MTRF1L: variants seen among roughly 807,000 people sequenced by gnomAD.
The protein encoded by MTRF1L is mitochondrial translation release factor 1 like, also known as peptide chain release factor 1-like, mitochondrial.
MTRF1L carries 29 observed loss-of-function variants against 40.0 expected under a neutral mutation model. The ratio of observed to expected loss-of-function variants is 0.73; its 90% CI spans 0.54 to 0.99. The LOEUF (loss-of-function observed/expected upper bound fraction) is 0.99. Ranked by LOEUF, MTRF1L falls within the 50% of genes least tolerant of loss-of-function variation. MTRF1L has a pLI of 0.00. For missense variants in MTRF1L, 412 were observed against 464.5 expected (o/e 0.89, Z 1.04); for synonymous variants, 150 against 175.8 (o/e 0.85, Z 1.16).
At chr6:152,995,807 T>G (rs1267695185) in intron 2 of MTRF1L, among the ~76,000 whole-genome samples, 1 of 152,188 alleles carries the variant, frequency 6.6e-6, no homozygotes, top group African/African-American at 2.4e-5. Flanking sequence ...AAAAGGCCCT[T>G]AGAGATTATC....
In MTRF1L at chr6:152,990,044, T is replaced by G. The variant is rs1414964827; in HGVS notation, c.994A>C (p.Asn332His). 1 of 1,613,930 alleles carries G rather than the reference T, an allele frequency of 6.2e-7. No homozygotes were observed. The highest frequency in any genetic ancestry group is 8.5e-7 in the Non-Finnish European group (1 of 1,179,952). Residue 332 changes from asparagine to histidine, a missense_variant, in exon 7 of 7, where the codon AAC becomes CAC. By Grantham distance (68) the Asn-to-His change is moderately conservative. Transcript: ENST00000367233. ...EKIRTYNFPQ[N>H]RVTDHRINKT... is the part of the protein sequence containing the mutation. ...TTTATTCTGTGATCTGTGACCCGGTTCTGTGGAAAATTATATGTTCTTATT... is the reference window on the plus strand; with the variant it reads ...TTTATTCTGTGATCTGTGACCCGGTGCTGTGGAAAATTATATGTTCTTATT...
At chr6:152,991,100 T>TG (rs1778494928) in intron 6 of MTRF1L, 85 bp downstream of exon 6, 14 of 926,530 alleles carry the variant, frequency 1.5e-5, no homozygotes, top group African/African-American at 3.4e-5. Context: ...AAAACAAATA[T>TG]ATAAAAACCA....
intron 1 of MTRF1L, among the ~76,000 whole-genome samples, chr6:152,999,095 G>T (rs904215037): frequency 2.6e-5 from 4 of 152,106 alleles, no homozygotes; most frequent in African/African-American, 9.7e-5. Context: ...TGTTTCATTA[G>T]TATTTTAGTA....
chr6:152,993,125 T>C (rs1230814310), intron 4 of MTRF1L, 151 bp from the exon 5 acceptor site: 2 of 630,396 alleles, frequency 3.2e-6, no homozygotes, highest in Admixed American at 2.8e-5. Context: ...AAGGATACCA[T>C]TTTAAAACTT....
rs775321244 is a variant in MTRF1L, at chr6:152,990,088, C to T, written c.950G>A (p.Ser317Asn). 34 of 1,613,742 alleles carry T rather than the reference C, an allele frequency of 2.1e-5. No individual in the cohort carries two copies. Among genetic ancestry groups the T allele is most frequent in the Admixed American group, 6.7e-5 (4 of 59,962 alleles). ...TCTTATTTTCTCTGATCTTCCTTTA[C>T]TTCCAATCTGTATATAGAGAAAAAG... ...RQNARKIQIGSKGRSEKIRTY... is the reference protein window; with the variant it reads ...RQNARKIQIGNKGRSEKIRTY... The change falls in exon 7 of 7, where the codon AGT (serine) becomes AAT (asparagine). Residue 317 changes from serine (S) to asparagine (N), a missense_variant. Transcript: ENST00000367233.
At chr6:152,993,023 T>C (rs375493223) in intron 4 of MTRF1L, 49 bp from the exon 5 acceptor site, 28 of 1,440,712 alleles carry the variant, frequency 1.9e-5, no homozygotes, top group African/African-American at 2.8e-5. Context: ...GTATCAACTT[T>C]ATAAAGGCAA....
At chr6:152,996,855 A>C (rs1446048468) in intron 2 of MTRF1L, among the ~76,000 whole-genome samples, 2 of 152,212 alleles carry the variant, frequency 1.3e-5, no homozygotes, top group Non-Finnish European at 2.9e-5. Context: ...TGAGGAGCTC[A>C]CAGTCTACTA....
chr6:152,990,307 C>T (rs1049241688), intron 6 of MTRF1L: 12 of 712,372 alleles, frequency 1.7e-5, no homozygotes, highest in Non-Finnish European at 2.2e-5. Context: ...AATCCTGCCT[C>T]AGCCACTTCA....
chr6:152,996,240 G>A (rs1444155760), intron 2 of MTRF1L, among the ~76,000 whole-genome samples: 1 of 152,116 alleles, frequency 6.6e-6, no homozygotes, highest in Non-Finnish European at 1.5e-5. Flanking sequence ...GAATATACCT[G>A]AGTACACTGC....
chr6:152,990,600 A>T (rs1584091756), intron 6 of MTRF1L: 1 of 153,282 alleles, frequency 6.5e-6, no homozygotes, highest in African/African-American at 2.4e-5. Context: ...AGGTGGGTGG[A>T]GCACCTGAGG....
At chr6:152,990,385 A>G (rs1361766423) in intron 6 of MTRF1L, 1 of 346,282 alleles carries the variant, frequency 2.9e-6, no homozygotes, top group Non-Finnish European at 5.3e-6. Flanking sequence ...CACAGTGATG[A>G]TGACAATAGA....
Position 153,002,656 on chromosome 6 carries a change from G to C in MTRF1L, c.30C>G (p.Ala10=), listed in dbSNP as rs945106136. 48 of 1,504,710 alleles carry C rather than the reference G, an allele frequency of 3.2e-5. No homozygotes were observed. The highest frequency in any genetic ancestry group is 4.2e-5 in the Non-Finnish European group (48 of 1,131,066). 93.2% of individuals were successfully genotyped at this position (1,504,710 alleles called of 1,614,324 possible). MRSRVLWGA[A]RWLWPRRAVG... is the part of the protein sequence containing the mutation. ...CGGCCCGGCGGGGCCAGAGCCACCGGGCAGCGCCCCACAGAACCCGGGACC... is the reference window on the plus strand; with the variant it reads ...CGGCCCGGCGGGGCCAGAGCCACCGCGCAGCGCCCCACAGAACCCGGGACC... Residue 10 remains alanine, a synonymous_variant, in exon 1 of 7, where the codon GCC becomes GCG. Coordinates refer to ENST00000367233, the MANE Select transcript of MTRF1L (RefSeq NM_019041.7).
At chr6:152,998,043 C>G (rs562803815) in intron 2 of MTRF1L, among the ~76,000 whole-genome samples, 3 of 150,640 alleles carry the variant, frequency 2.0e-5, no homozygotes, top group Admixed American at 6.7e-5. Context: ...GCACTTATGT[C>G]AATAAATTAA....
intron 3 of MTRF1L, 25 bp downstream of exon 3, chr6:152,995,111 G>A: frequency 6.4e-7 from 1 of 1,570,626 alleles, no homozygotes; most frequent in Non-Finnish European, 8.6e-7. Context: ...CACTTTACCT[G>A]AAACAAAATG....
intron 1 of MTRF1L, among the ~76,000 whole-genome samples, chr6:153,001,283 C>G (rs1246342498): frequency 6.6e-6 from 1 of 152,142 alleles, no homozygotes; most frequent in East Asian, 1.9e-4. Flanking sequence ...TTATAGCCTT[C>G]TTCTCTGCCT....
In MTRF1L at chr6:152,991,277, T is replaced by G; in HGVS notation, c.850A>C (p.Lys284Gln). The G allele has an allele frequency of 6.2e-7, 1 of 1,603,866 alleles. No homozygotes were observed. The change falls in exon 6 of 7, where the codon AAA becomes CAA. Residue 284 changes from lysine to glutamine, a missense_variant. Physicochemically the swap from Lys to Gln is moderately conservative, Grantham distance 53 (BLOSUM62 1). Transcript: ENST00000367233. ...CQQERSQLKN[K>Q]ELAMTKLRAK... ...CGTAACTTTGTCATAGCCAGCTCTT[T>G]ATTTTTCAGCTGAGATCTCTCTTGT...
At chr6:152,996,592 CTCCT>C (rs1439700388) in intron 2 of MTRF1L, among the ~76,000 whole-genome samples, 2 of 152,162 alleles carry the variant, frequency 1.3e-5, no homozygotes, top group Non-Finnish European at 2.9e-5. Context: ...CCTTTCCTGG[CTCCT>C]TCCTTACCTA....
At chr6:152,997,345 T>G (rs916373918) in intron 2 of MTRF1L, among the ~76,000 whole-genome samples, 1 of 152,164 alleles carries the variant, frequency 6.6e-6, no homozygotes, top group Non-Finnish European at 1.5e-5. Flanking sequence ...ACAAAAAAAT[T>G]AAAGGTGAGC....
In MTRF1L at chr6:152,989,889, A is replaced by C. The variant is rs752708062; in HGVS notation, c.*6T>G. 1 of 1,606,494 alleles carries C rather than the reference A, an allele frequency of 6.2e-7. No individual in the cohort carries two copies. Among genetic ancestry groups the C allele is most frequent in the Admixed American group, 1.7e-5 (1 of 58,408 alleles). On this transcript the variant is annotated 3_prime_UTR_variant, in exon 7 of 7. Transcript: ENST00000367233. ...AGCTACGAAAGTCTATAAATAACAA[A>C]TCAACTTAAACTTTTTGGGAAATAA...
Sources: gnomAD v4.1 joint callset for allele counts (sites outside exome capture counted in the v4.1 genomes callset) on GRCh38, gnomAD v4.1.1 for gene constraint, MANE v1.5 for transcripts, NCBI Gene and HGNC (gene_info 2026-07-23, HGNC 2026-07-21) for gene names.